CFAP74: variants seen among roughly 807,000 people sequenced by gnomAD.
CFAP74 encodes the protein cilia and flagella associated protein 74.
In CFAP74, 124 loss-of-function variants were observed where a neutral mutation model predicts 188.9. The observed-to-expected ratio is 0.66, with a 90% CI of 0.57 to 0.76. The LOEUF is 0.76. CFAP74 is among the 30% of genes least tolerant of loss of function. The pLI is 0.00. For missense variants in CFAP74, 2,198 were observed against 2,165.2 expected, an observed-to-expected ratio of 1.02 and a Z score of -0.30; for synonymous variants, 956 against 916.7, an observed-to-expected ratio of 1.04 and a Z score of -0.77.
intron 19 of CFAP74, 90 bp downstream of exon 19, chr1:1,946,900 G>A: frequency 9.8e-7 from 1 of 1,021,570 alleles, no homozygotes; most frequent in South Asian, 1.4e-5. Context: ...CTAGCAGTGA[G>A]GGCCAGTGGG....
At chr1:1,986,598 G>C (rs1048436328) in intron 5 of CFAP74, among the ~76,000 whole-genome samples, 4 of 152,190 alleles carry the variant, frequency 2.6e-5, no homozygotes, top group African/African-American at 9.6e-5. Context: ...CGTCCCCCAG[G>C]CCCCTCCCAC....
rs764722671 is a variant in CFAP74, at chr1:1,949,036, CTCCTTCCTTCCCTCCTT to C, written c.2177-1999_2177-1983del. ...TCCCCTTCCTTCCTTCTCTCCCTCC[CTCCTTCCTTCCCTCCTT>C]TCCTTCCTTCCTTCCTTTCCTTTCC... On this transcript the variant is annotated intron_variant, in intron 18 of 38. Transcript: ENST00000682832. Among the ~76,000 whole-genome samples the C allele has an allele frequency of 1.1e-3, 108 of 100,412 alleles. 1 individual carries two copies. The highest frequency in any genetic ancestry group is 1.8e-3 in the Non-Finnish European group (91 of 51,054). 65.9% of individuals were successfully genotyped at this position (100,412 alleles called of 152,430 possible).
chr1:1,938,737 CCCTGT>C, intron 25 of CFAP74, 113 bp downstream of exon 25: 3 of 1,236,152 alleles, frequency 2.4e-6, no homozygotes, highest in Non-Finnish European at 3.3e-6. Context: ...CCCAGCCCAG[CCCTGT>C]GGTCAGCCAG....
At position 1,939,748 on chromosome 1, in the gene CFAP74, G is replaced by A. The variant is rs867315054; in HGVS notation, c.2723C>T (p.Thr908Ile). 6 of 1,536,070 alleles carry A rather than the reference G, an allele frequency of 3.9e-6. No individual in the cohort carries two copies. The African/African-American group carries it at 4.1e-5, about 10-fold the overall frequency. The change falls in exon 24 of 39, where the codon ACC becomes ATC. Residue 908 changes from threonine to isoleucine, a missense_variant. Thr to Ile is a moderately conservative substitution (Grantham distance 89). Coordinates refer to ENST00000682832, the MANE Select transcript of CFAP74 (RefSeq NM_001304360.2). ...VADQNKPVGF[T>I]VHAIVTTSDL... ...CGAGGTGGTGACAATGGCATGCACG[G>A]TGAATCCCACTGGCTTGTTCTGAGA...
chr1:1,963,914 G>T, intron 13 of CFAP74, 47 bp from the exon 14 acceptor site: 2 of 1,259,896 alleles, frequency 1.6e-6, no homozygotes, highest in Non-Finnish European at 2.3e-6. Context: ...ACAGGGGGCT[G>T]TGCTGTGAGC....
At chr1:1,966,892 A>G (rs1655512174) in intron 11 of CFAP74, among the ~76,000 whole-genome samples, 1 of 144,100 alleles carries the variant, frequency 6.9e-6, no homozygotes, top group East Asian at 2.0e-4. Flanking sequence ...GCTAGAGTGT[A>G]GCAGCGCGAT....
chr1:1,986,752 A>G (rs4233028), intron 5 of CFAP74, among the ~76,000 whole-genome samples, 185 bp downstream of exon 5: 95,803 of 152,166 alleles, frequency 0.63, 32,653 homozygotes, highest in African/African-American at 0.91. Flanking sequence ...ATCCAGCCCC[A>G]GTGCCCTCCA....
intron 22 of CFAP74, 101 bp from the exon 23 acceptor site, chr1:1,940,504 C>T (rs907214801): frequency 1.1e-5 from 9 of 807,226 alleles, no homozygotes; most frequent in African/African-American, 1.1e-4. Flanking sequence ...GTGAGAGCTA[C>T]GGCGTCTCTG....
At chr1:1,938,094 A>G (rs1261983280) in intron 25 of CFAP74, among the ~76,000 whole-genome samples, 1 of 140,850 alleles carries the variant, frequency 7.1e-6, no homozygotes, top group Admixed American at 7.1e-5. Context: ...CTCACACTCA[A>G]CCTTACACAC....
chr1:1,956,930 A>G (rs2803285), intron 16 of CFAP74, 146 bp from the exon 17 acceptor site: 668,055 of 795,752 alleles, frequency 0.84, 281,760 homozygotes, highest in African/African-American at 0.97. Context: ...GATTCAACCC[A>G]GAAATCAGGT....
At chr1:1,972,739 AG>A (rs1226363559) in intron 8 of CFAP74, among the ~76,000 whole-genome samples, 197 bp downstream of exon 8, 1 of 152,222 alleles carries the variant, frequency 6.6e-6, no homozygotes, top group Non-Finnish European at 1.5e-5. Context: ...CCAGCTACTC[AG>A]GAGGCTCAGG....
At chr1:1,962,398 C>G (rs1437021576) in intron 14 of CFAP74, among the ~76,000 whole-genome samples, 1 of 151,144 alleles carries the variant, frequency 6.6e-6, no homozygotes, top group Non-Finnish European at 1.5e-5. Flanking sequence ...ATCGCTTGAA[C>G]CCAGGAGGCA....
intron 1 of CFAP74, among the ~76,000 whole-genome samples, chr1:1,994,785 TC>T (rs1657827416): frequency 6.6e-6 from 1 of 152,138 alleles, no homozygotes; most frequent in Admixed American, 6.6e-5. Flanking sequence ...AGACGGCACT[TC>T]CAACAGGCAG....
chr1:1,962,239 G>T (rs762230255), intron 14 of CFAP74, among the ~76,000 whole-genome samples: 1 of 152,186 alleles, frequency 6.6e-6, no homozygotes, highest in Non-Finnish European at 1.5e-5. Flanking sequence ...TTGGGAGGCC[G>T]AGGTGGGCCT....
chr1:1,951,194 G>A (rs1247696879), intron 18 of CFAP74, among the ~76,000 whole-genome samples: 1 of 152,178 alleles, frequency 6.6e-6, no homozygotes, highest in Non-Finnish European at 1.5e-5. Context: ...AGGAGAGAGA[G>A]AGGTGAGAGC....
chr1:1,928,628 A>C lies in CFAP74; in HGVS notation c.3387+156T>G, dbSNP rs923548892. The stretch of plus-strand genomic sequence containing the variant: ...AGGGTCTTGGTGAGCAAGCTTTTTA[A>C]CCTCAGATACAGCTCGACACGTGCA... On this transcript the variant is annotated intron_variant, in intron 27 of 38. Transcript: ENST00000682832. Among the ~76,000 whole-genome samples the C allele has an allele frequency of 2.2e-4, 34 of 151,996 alleles. 1 individual carries two copies. Among genetic ancestry groups the C allele is most frequent in the Non-Finnish European group, 5.9e-5 (4 of 67,990 alleles).
intron 28 of CFAP74, chr1:1,927,346 C>T (rs1214470012): frequency 1.3e-5 from 7 of 541,234 alleles, no homozygotes; most frequent in South Asian, 2.3e-5. Context: ...ATTCTGCACC[C>T]GGGGGGCTGG....
chr1:1,963,795 T>G lies in CFAP74; in HGVS notation c.1648A>C (p.Lys550Gln). The change falls in exon 14 of 39, where the codon AAG becomes CAG. Residue 550 changes from lysine to glutamine, a missense_variant. By Grantham distance (53) the Lys-to-Gln change is moderately conservative. Coordinates refer to ENST00000682832, the MANE Select transcript of CFAP74 (RefSeq NM_001304360.2). ...VNTTYTINYC[K>Q]LVGVEEHLRD... ...AGGTGCTCCTCCACGCCCACCAGCT[T>G]GCAGTAGTTGATCGTGTAGGTGGTG... The G allele has an allele frequency of 1.2e-6, 2 of 1,613,982 alleles. No individual in the cohort carries two copies. Among genetic ancestry groups the G allele is most frequent in the Non-Finnish European group, 1.7e-6 (2 of 1,179,956 alleles).
intron 23 of CFAP74, 41 bp downstream of exon 23, chr1:1,940,275 C>T (rs1433318231): frequency 6.8e-7 from 1 of 1,471,642 alleles, no homozygotes; most frequent in African/African-American, 1.4e-5. Flanking sequence ...CCCTGCTACC[C>T]AGGAGCGCCC....
Sources: gnomAD v4.1 joint callset for allele counts (sites outside exome capture counted in the v4.1 genomes callset) on GRCh38, gnomAD v4.1.1 for gene constraint, MANE v1.5 for transcripts, NCBI Gene and HGNC (gene_info 2026-07-23, HGNC 2026-07-21) for gene names.